Variants in CSF1R observed in about 807,000 individuals in gnomAD.
CSF1R encodes the protein colony stimulating factor 1 receptor, also known as macrophage colony-stimulating factor 1 receptor.
Under a neutral mutation model 110.0 loss-of-function variants are expected in CSF1R, and 40 were observed. The observed-to-expected ratio is 0.36, with a 90% CI of 0.28 to 0.47. The LOEUF is 0.47. Among genes scored for constraint, CSF1R ranks in the 20% least tolerant of loss-of-function variants. The pLI, the probability that CSF1R is intolerant of heterozygous loss-of-function variation, is 0.99. For synonymous variants in CSF1R, 523 were observed against 503.4 expected, an observed-to-expected ratio of 1.04 and a Z score of -0.52; for missense variants, 1,052 against 1,253.0, an observed-to-expected ratio of 0.84 and a Z score of 2.42.
chr5:150,053,518 T>C lies in CSF1R; in HGVS notation c.*551A>G. On this transcript the variant is annotated 3_prime_UTR_variant, in exon 21 of 21. Coordinates refer to ENST00000675795, the MANE Select transcript of CSF1R (RefSeq NM_001288705.3). The stretch of plus-strand genomic sequence containing the variant: ...AGTACCAGTATGGGGGTGGGAGGGG[T>C]GAGGCTGTGGAGTGAAGGCGGCGTA... 4.3e-6 allele frequency: 1 copy of C among 233,746 alleles called. No homozygotes were observed. The highest frequency in any genetic ancestry group is 1.8e-4 in the South Asian group (1 of 5,552). 14.5% of individuals were successfully genotyped at this position (233,746 alleles called of 1,614,324 possible). A position where few individuals can be genotyped will look rare whatever the true frequency, so the allele number is the denominator to read the frequency against.
chr5:150,078,442 T>C (rs1758380683), intron 3 of CSF1R, among the ~76,000 whole-genome samples, 194 bp from the exon 4 acceptor site: 1 of 152,020 alleles, frequency 6.6e-6, no homozygotes, highest in Non-Finnish European at 1.5e-5. Flanking sequence ...TTGGAAAGTC[T>C]ACTTTCTCCA....
chr5:150,087,525 A>G (rs1194264669), upstream of CSF1R, among the ~76,000 whole-genome samples: 1 of 152,232 alleles, frequency 6.6e-6, no homozygotes, highest in Admixed American at 6.5e-5. Flanking sequence ...TTTGGATCCC[A>G]GCAGTCTGGT....
Position 150,053,814 on chromosome 5 carries a change from A to C in CSF1R, c.*255T>G, listed in dbSNP as rs1457852110. ...AGTTGGCATAGCAAACACGAGGCCA[A>C]CACCATGAGAACAGTAGGGGAGGGG... On this transcript the variant is annotated 3_prime_UTR_variant, in exon 21 of 21. Transcript: ENST00000675795. The C allele has an allele frequency of 1.1e-5, 6 of 559,916 alleles. No individual in the cohort carries two copies. The highest frequency in any genetic ancestry group is 2.0e-5 in the African/African-American group (1 of 50,878). 34.7% of individuals were successfully genotyped at this position (559,916 alleles called of 1,614,324 possible).
At chr5:150,075,487 C>A (rs1758223595) in intron 5 of CSF1R, among the ~76,000 whole-genome samples, 1 of 152,262 alleles carries the variant, frequency 6.6e-6, no homozygotes, top group Non-Finnish European at 1.5e-5. Context: ...GAGCTCCCTT[C>A]TCCAAAATGG....
At chr5:150,079,130 C>G (rs1288488874) in intron 3 of CSF1R, among the ~76,000 whole-genome samples, 5 of 152,182 alleles carry the variant, frequency 3.3e-5, no homozygotes, top group Admixed American at 3.3e-4. Context: ...ACCCAAGGTC[C>G]CTGAGGGGGT....
chr5:150,106,746 C>T lies in CSF1R; in HGVS notation c.-181+6515G>A, dbSNP rs573081020. Among the ~76,000 whole-genome samples the T allele has an allele frequency of 7.0e-4, 107 of 152,324 alleles. 1 individual carries two copies. Among genetic ancestry groups the T allele is most frequent in the African/African-American group, 2.5e-3 (103 of 41,566 alleles). On this transcript the variant is annotated intron_variant, in intron 1 of 21. Transcript: ENST00000286301. ...TGCCTCTTCTCTCTCCATCCACCCT[C>T]CCTGCTGTACTGAACACTTGCAGCT...
Position 150,080,896 on chromosome 5 carries a change from G to C in CSF1R, c.178C>G (p.Leu60Val), listed in dbSNP as rs55865465. ...WDGPPSPHWT[L>V]YSDGSSSILS... ...ATGCTGCTGGAGCCATCAGAGTACA[G>C]GGTCCAGTGAGGTGATGGGGGGCCA... Residue 60 changes from leucine to valine, a missense_variant, in exon 2 of 21, where the codon CTG becomes GTG. Leu to Val is a conservative substitution (Grantham distance 32). Transcript: ENST00000675795. 1 of 1,614,190 alleles carries C rather than the reference G, an allele frequency of 6.2e-7. No homozygotes were observed.
In CSF1R at chr5:150,056,212, C is replaced by A. The variant is rs1266464423; in HGVS notation, c.2442+7G>T. The A allele has an allele frequency of 1.9e-6, 3 of 1,614,114 alleles. No homozygotes were observed. Among genetic ancestry groups the A allele is most frequent in the Non-Finnish European group, 2.5e-6 (3 of 1,180,036 alleles). Reference sequence around the variant, plus strand: ...CCCAGCCTGGCCCAAGCCCTCCCAGCACTTACATTGCCCTTGACAATGTAG... The same window carrying A: ...CCCAGCCTGGCCCAAGCCCTCCCAGAACTTACATTGCCCTTGACAATGTAG... On this transcript the variant is annotated splice_region_variant and intron_variant, in intron 17 of 20. Transcript: ENST00000675795.
intron 3 of CSF1R, 152 bp from the exon 4 acceptor site, chr5:150,078,400 C>A (rs993376695): frequency 1.1e-4 from 108 of 957,458 alleles, no homozygotes; most frequent in African/African-American, 1.7e-4. Flanking sequence ...TGCTCCCAGT[C>A]CCCCCACTGC....
At chr5:150,071,505 G>A (rs1758029148) in intron 6 of CSF1R, among the ~76,000 whole-genome samples, 2 of 152,160 alleles carry the variant, frequency 1.3e-5, no homozygotes, top group Admixed American at 6.5e-5. Context: ...CAGACCCTGG[G>A]CATATACAAG....
chr5:150,103,169 C>T (rs1348952500), intron 1 of CSF1R, among the ~76,000 whole-genome samples: 2 of 152,206 alleles, frequency 1.3e-5, no homozygotes, highest in Admixed American at 6.5e-5. Context: ...TTTTCTGAGT[C>T]GAAGGCCTAG....
Position 150,060,871 on chromosome 5 carries a change from T to C in CSF1R, c.1960A>G (p.Thr654Ala). 6.2e-7 allele frequency: 1 copy of C among 1,607,694 alleles called. No homozygotes were observed. The highest frequency in any genetic ancestry group is 8.5e-7 in the Non-Finnish European group (1 of 1,176,852). ...ACCCCAAGGCCCTTACCTCCATGGG[T>C]ACAGGCTCCCAGAAGGTTGACGATG... ...ENIVNLLGACTHGGPVLVITE... is the reference protein window; with the variant it reads ...ENIVNLLGACAHGGPVLVITE... Residue 654 changes from threonine (T) to alanine (A), a missense_variant, in exon 13 of 21, where the codon ACC (threonine) becomes GCC (alanine). Transcript: ENST00000675795.
chr5:150,101,328 C>T (rs1759396743), intron 1 of CSF1R, among the ~76,000 whole-genome samples: 1 of 152,226 alleles, frequency 6.6e-6, no homozygotes, highest in Non-Finnish European at 1.5e-5. Flanking sequence ...GCCCCAGATG[C>T]ATGAGAAAAC....
At chr5:150,083,776 A>G (rs1283090400) in intron 1 of CSF1R, among the ~76,000 whole-genome samples, 1 of 152,218 alleles carries the variant, frequency 6.6e-6, no homozygotes, top group Non-Finnish European at 1.5e-5. Context: ...AAAAGGTAAA[A>G]TATCCCACAG....
At position 150,105,086 on chromosome 5, in the gene CSF1R, C is replaced by G. The variant is rs1300021109; in HGVS notation, c.-181+8175G>C. Among the ~76,000 whole-genome samples, 3 of 151,648 alleles carry G rather than the reference C, an allele frequency of 2.0e-5. No homozygotes were observed. The East Asian group carries it at 5.9e-4, about 30-fold the overall frequency. ...GACAGAGGCTGGGTGCAGTGGCTCA[C>G]ACCTATAATCCCAGCACTTTGGGAG... On this transcript the variant is annotated intron_variant, in intron 1 of 21. Transcript: ENST00000286301.
At chr5:150,064,044 C>G (rs1399727990) in intron 10 of CSF1R, among the ~76,000 whole-genome samples, 3 of 152,192 alleles carry the variant, frequency 2.0e-5, no homozygotes, top group Non-Finnish European at 2.9e-5. Flanking sequence ...AGCAAATTAA[C>G]ACCGAAACAG....
chr5:150,106,103 G>A (rs1316353755), intron 1 of CSF1R, among the ~76,000 whole-genome samples: 3 of 152,204 alleles, frequency 2.0e-5, no homozygotes, highest in African/African-American at 7.2e-5. Flanking sequence ...CCAGCAGTGG[G>A]TGTGCTGACC....
At chr5:150,110,069 C>G (rs1392362038) in intron 1 of CSF1R, among the ~76,000 whole-genome samples, 1 of 150,450 alleles carries the variant, frequency 6.6e-6, no homozygotes, top group Non-Finnish European at 1.5e-5. Flanking sequence ...AATCAGTTCA[C>G]ATCTGTTCCC....
At chr5:150,107,118 A>G (rs1228295762) in intron 1 of CSF1R, among the ~76,000 whole-genome samples, 1 of 152,224 alleles carries the variant, frequency 6.6e-6, no homozygotes, top group Non-Finnish European at 1.5e-5. Context: ...TGAATAAATG[A>G]AGAGCAAGGA....
Sources: gnomAD v4.1 joint callset for allele counts (sites outside exome capture counted in the v4.1 genomes callset) on GRCh38, gnomAD v4.1.1 for gene constraint, MANE v1.5 for transcripts, NCBI Gene and HGNC (gene_info 2026-07-23, HGNC 2026-07-21) for gene names.